The following OR2M2 variants were observed in gnomAD, a reference collection of about 807,000 sequenced individuals.
The protein encoded by OR2M2 is olfactory receptor family 2 subfamily M member 2, also known as olfactory receptor 2M2.
For missense variants in OR2M2, 467 were observed against 429.9 expected (o/e 1.09, Z -0.76); for synonymous variants, 168 against 151.7 (o/e 1.11, Z -0.79).
chr1:248,179,033 A>C (rs1425168844), intron 1 of OR2M2, among the ~76,000 whole-genome samples: 2 of 152,222 alleles, frequency 1.3e-5, no homozygotes, highest in Admixed American at 6.5e-5. Flanking sequence ...GAAATCTGAA[A>C]TCAAGATGTC....
chr1:248,175,585 T>A (rs1449320081), intron 1 of OR2M2, among the ~76,000 whole-genome samples: 1 of 152,142 alleles, frequency 6.6e-6, no homozygotes, highest in African/African-American at 2.4e-5. Context: ...GGATAAGGAA[T>A]CCTCAACCAG....
intron 1 of OR2M2, among the ~76,000 whole-genome samples, chr1:248,178,856 G>T (rs913281345): frequency 6.6e-6 from 1 of 152,188 alleles, no homozygotes; most frequent in Non-Finnish European, 1.5e-5. Context: ...CTTCACAAGT[G>T]TTGTTTGAAA....
chr1:248,177,655 A>T (rs990974991), intron 1 of OR2M2, among the ~76,000 whole-genome samples: 4 of 152,104 alleles, frequency 2.6e-5, no homozygotes, highest in Non-Finnish European at 4.4e-5. Context: ...GAGGCAATAC[A>T]AAGTTTTTTC....
At chr1:248,176,027 C>T (rs762501277) in intron 1 of OR2M2, among the ~76,000 whole-genome samples, 13 of 152,080 alleles carry the variant, frequency 8.5e-5, no homozygotes, top group Non-Finnish European at 1.5e-4. Flanking sequence ...TTGCTATGCT[C>T]ATTTTTGCAA....
At position 248,180,829 on chromosome 1, in the gene OR2M2, A is replaced by C. The variant is rs763470591; in HGVS notation, c.844A>C (p.Thr282Pro). The change falls in exon 2 of 2, where the codon ACT becomes CCT. Residue 282 changes from threonine (T) to proline (P), a missense_variant. Coordinates refer to ENST00000641836, the MANE Select transcript of OR2M2 (RefSeq NM_001004688.2). ...KMVSVFYTILTPMLNPLIYSL... is the reference protein window; with the variant it reads ...KMVSVFYTILPPMLNPLIYSL... Reference sequence around the variant, plus strand: ...GGTGTCTGTATTCTACACCATCCTCACTCCCATGCTGAATCCCCTCATCTA... The same window carrying C: ...GGTGTCTGTATTCTACACCATCCTCCCTCCCATGCTGAATCCCCTCATCTA... The C allele has an allele frequency of 4.3e-6, 7 of 1,613,674 alleles. No homozygotes were observed. In the South Asian group the frequency reaches 5.5e-5, roughly 13 times the overall value.
chr1:248,176,466 T>G (rs1476618193), intron 1 of OR2M2, among the ~76,000 whole-genome samples: 2 of 152,058 alleles, frequency 1.3e-5, no homozygotes, highest in Non-Finnish European at 2.9e-5. Context: ...AAAATTACAA[T>G]TAAGGAAAAG....
Position 248,180,965 on chromosome 1 carries a change from T to C in OR2M2, c.980T>C (p.Phe327Ser), listed in dbSNP as rs968118813. The C allele has an allele frequency of 1.2e-6, 2 of 1,613,886 alleles. No homozygotes were observed. Among genetic ancestry groups the C allele is most frequent in the Non-Finnish European group, 1.7e-6 (2 of 1,179,790 alleles). ...KLYVLLFAKF[F>S]FLISIFFYDV... The stretch of plus-strand genomic sequence containing the variant: ...TATGTTTTGCTGTTTGCTAAATTCT[T>C]CTTTCTAATATCCATCTTTTTCTAT... Residue 327 changes from phenylalanine (F) to serine (S), a missense_variant, in exon 2 of 2, where the codon TTC becomes TCC. Coordinates refer to ENST00000641836, the MANE Select transcript of OR2M2 (RefSeq NM_001004688.2).
At chr1:248,176,807 T>C (rs1279527450) in intron 1 of OR2M2, among the ~76,000 whole-genome samples, 3 of 152,110 alleles carry the variant, frequency 2.0e-5, no homozygotes, top group Admixed American at 6.5e-5. Context: ...CTGGATAACT[T>C]ACACTGAGCT....
intron 1 of OR2M2, among the ~76,000 whole-genome samples, chr1:248,176,453 C>G (rs1665857611): frequency 6.6e-6 from 1 of 151,828 alleles, no homozygotes; most frequent in Non-Finnish European, 1.5e-5. Flanking sequence ...AAAATAGAAG[C>G]ATAAAATTAC....
chr1:248,178,855 T>C (rs1242823565), intron 1 of OR2M2, among the ~76,000 whole-genome samples: 1 of 152,182 alleles, frequency 6.6e-6, no homozygotes, highest in Non-Finnish European at 1.5e-5. Context: ...ACTTCACAAG[T>C]GTTGTTTGAA....
intron 1 of OR2M2, among the ~76,000 whole-genome samples, chr1:248,176,109 A>C (rs1020482810): frequency 1.3e-5 from 2 of 152,118 alleles, no homozygotes; most frequent in African/African-American, 2.4e-5. Context: ...TAGCAACCTC[A>C]GTGGATTACA....
At chr1:248,178,318 A>C (rs1665878243) in intron 1 of OR2M2, among the ~76,000 whole-genome samples, 1 of 152,044 alleles carries the variant, frequency 6.6e-6, no homozygotes, top group Admixed American at 6.6e-5. Flanking sequence ...TAATGAACCT[A>C]CTCACTAGGC....
chr1:248,175,977 C>T (rs1476751881), intron 1 of OR2M2, among the ~76,000 whole-genome samples: 5 of 152,064 alleles, frequency 3.3e-5, no homozygotes, highest in Admixed American at 6.6e-5. Context: ...ATTCCATTGT[C>T]AGTGCACATG....
chr1:248,177,668 CT>C (rs920298039), intron 1 of OR2M2, among the ~76,000 whole-genome samples: 6 of 152,004 alleles, frequency 3.9e-5, no homozygotes, highest in African/African-American at 1.2e-4. Context: ...GTTTTTTCCC[CT>C]GATTGACCTT....
At chr1:248,177,885 C>T (rs1665872838) in intron 1 of OR2M2, 1 of 152,072 alleles carries the variant, frequency 6.6e-6, no homozygotes, top group African/African-American at 2.4e-5. Flanking sequence ...TCTCTTCATG[C>T]TGATTGACAA....
chr1:248,176,767 C>T (rs2103005949), intron 1 of OR2M2, among the ~76,000 whole-genome samples: 1 of 152,174 alleles, frequency 6.6e-6, no homozygotes, highest in Non-Finnish European at 1.5e-5. Context: ...CCCAATTTTA[C>T]CTTCACTGCA....
At chr1:248,176,161 C>T (rs750251679) in intron 1 of OR2M2, among the ~76,000 whole-genome samples, 33 of 152,034 alleles carry the variant, frequency 2.2e-4, no homozygotes, top group Admixed American at 2.6e-4. Flanking sequence ...TCACATAATG[C>T]TTTACATTTT....
intron 1 of OR2M2, among the ~76,000 whole-genome samples, chr1:248,176,001 T>C (rs1665852812): frequency 6.6e-6 from 1 of 152,118 alleles, no homozygotes; most frequent in Non-Finnish European, 1.5e-5. Context: ...GTTGCCTTTT[T>C]ATATTACAAG....
At position 248,180,686 on chromosome 1, in the gene OR2M2, G is replaced by T. The variant is rs775272894; in HGVS notation, c.701G>T (p.Arg234Leu). The T allele has an allele frequency of 6.2e-7, 1 of 1,612,478 alleles. No homozygotes were observed. The highest frequency in any genetic ancestry group is 1.3e-5 in the African/African-American group (1 of 74,956). The change falls in exon 2 of 2, where the codon CGT becomes CTT. Residue 234 changes from arginine to leucine, a missense_variant. By Grantham distance (102) the Arg-to-Leu change is moderately radical. Coordinates refer to ENST00000641836, the MANE Select transcript of OR2M2 (RefSeq NM_001004688.2). ...ATTCACATGGGATCTGGAGAGGGTCGTTGCAAAGCTTTCACGACCTGTTCC... is the reference window on the plus strand; with the variant it reads ...ATTCACATGGGATCTGGAGAGGGTCTTTGCAAAGCTTTCACGACCTGTTCC... Reference protein sequence around the residue: ...AVIHMGSGEGRCKAFTTCSSH... With the variant: ...AVIHMGSGEGLCKAFTTCSSH...
Sources: gnomAD v4.1 joint callset for allele counts (sites outside exome capture counted in the v4.1 genomes callset) on GRCh38, gnomAD v4.1.1 for gene constraint, MANE v1.5 for transcripts, NCBI Gene and HGNC (gene_info 2026-07-23, HGNC 2026-07-21) for gene names.